Variants in RARB observed in about 807,000 individuals in gnomAD.
RARB encodes HBV-activated protein.
In RARB, 17 loss-of-function variants were observed where a neutral mutation model predicts 51.9. The ratio of observed to expected loss-of-function variants is 0.33; its 90% CI spans 0.22 to 0.49. RARB has a LOEUF of 0.49. RARB is among the 20% of genes least tolerant of loss of function. RARB has a pLI of 0.99. For missense variants in RARB, 369 were observed against 550.8 expected (o/e 0.67, Z 3.30); for synonymous variants, 215 against 195.4 (o/e 1.10, Z -0.84).
chr3:25,231,974 G>T (rs1372633773), intron 5 of RARB, among the ~76,000 whole-genome samples: 1 of 151,486 alleles, frequency 6.6e-6, no homozygotes, highest in Non-Finnish European at 1.5e-5. Context: ...GCCCAACAAA[G>T]GTCACAAAGT....
chr3:25,176,585 G>A (rs570194111), intron 5 of RARB, among the ~76,000 whole-genome samples: 4 of 151,240 alleles, frequency 2.6e-5, no homozygotes, highest in South Asian at 2.1e-4. Context: ...TAGTAGAGAC[G>A]TGGATTCACC....
intron 3 of RARB, among the ~76,000 whole-genome samples, chr3:25,081,729 TTC>T (rs1699007906): frequency 7.1e-6 from 1 of 140,162 alleles, no homozygotes; most frequent in Non-Finnish European, 1.5e-5. Flanking sequence ...ACCTTCCGAG[TTC>T]AAGTGATTCT....
chr3:25,154,525 T>G (rs1264610158), intron 4 of RARB, among the ~76,000 whole-genome samples: 3 of 152,216 alleles, frequency 2.0e-5, no homozygotes, highest in Non-Finnish European at 2.9e-5. Flanking sequence ...CTCAAAGCTT[T>G]GCTACCAATC....
intron 4 of RARB, among the ~76,000 whole-genome samples, chr3:25,157,080 A>G (rs1700386567): frequency 1.3e-5 from 2 of 152,218 alleles, no homozygotes; most frequent in African/African-American, 2.4e-5. Flanking sequence ...AAAAGGATGT[A>G]TGTATGTGTA....
chr3:24,943,629 T>G (rs1695715613), intron 2 of RARB, among the ~76,000 whole-genome samples: 1 of 152,248 alleles, frequency 6.6e-6, no homozygotes, highest in Non-Finnish European at 1.5e-5. Context: ...TTAACAGGTC[T>G]GTAAGCCTCT....
At position 25,447,092 on chromosome 3, in the gene RARB, T is replaced by C. The variant is rs531575802; in HGVS notation, c.158-14101T>C. Reference sequence around the variant, plus strand: ...TTAGGAGGCAGCAAATGGGGTAATGTGTGTGAAAACACCCCTCAAGTTGTC... The same window carrying C: ...TTAGGAGGCAGCAAATGGGGTAATGCGTGTGAAAACACCCCTCAAGTTGTC... On this transcript the variant is annotated intron_variant, in intron 1 of 7. Transcript: ENST00000330688. Among the ~76,000 whole-genome samples the C allele has an allele frequency of 1.6e-4, 24 of 152,318 alleles. 1 individual carries two copies. Among genetic ancestry groups the C allele is most frequent in the African/African-American group, 5.5e-4 (23 of 41,578 alleles).
intron 5 of RARB, among the ~76,000 whole-genome samples, chr3:25,310,842 C>T (rs545370292): frequency 2.5e-4 from 38 of 152,280 alleles, no homozygotes; most frequent in African/African-American, 9.1e-4. Flanking sequence ...TGTTTTTACT[C>T]TGAAGCACTT....
chr3:25,490,939 G>A (rs968323592), intron 2 of RARB, among the ~76,000 whole-genome samples: 5 of 152,050 alleles, frequency 3.3e-5, no homozygotes, highest in East Asian at 1.9e-4. Flanking sequence ...TAGAGGCTTC[G>A]TTTCCCCTTG....
intron 2 of RARB, among the ~76,000 whole-genome samples, chr3:24,896,020 G>A (rs1016460159): frequency 6.6e-6 from 1 of 152,170 alleles, no homozygotes; most frequent in Non-Finnish European, 1.5e-5. Context: ...GTGGCATATT[G>A]TTTGGCCTTA....
intron 5 of RARB, among the ~76,000 whole-genome samples, chr3:25,323,059 C>A (rs1289199607): frequency 6.6e-6 from 1 of 152,166 alleles, no homozygotes; most frequent in Admixed American, 6.5e-5. Flanking sequence ...ATGTTTGGGG[C>A]CCTGGTCCTA....
chr3:25,409,397 G>T (rs1447104586), intron 5 of RARB, among the ~76,000 whole-genome samples: 1 of 151,954 alleles, frequency 6.6e-6, no homozygotes, highest in Non-Finnish European at 1.5e-5. Context: ...ACATTTTCCT[G>T]GTTGATAGTC....
intron 2 of RARB, among the ~76,000 whole-genome samples, chr3:25,488,509 A>G (rs894917865): frequency 6.7e-6 from 1 of 149,890 alleles, no homozygotes; most frequent in Admixed American, 6.6e-5. Flanking sequence ...TGAGGAAAGC[A>G]AAATTAGGCT....
chr3:25,022,886 G>A (rs201774520), intron 2 of RARB, among the ~76,000 whole-genome samples: 1 of 152,196 alleles, frequency 6.6e-6, no homozygotes, highest in East Asian at 1.9e-4. Context: ...AGATATGTCA[G>A]GAGTGGCCTG....
intron 2 of RARB, among the ~76,000 whole-genome samples, chr3:24,872,081 A>G (rs1206689315): frequency 6.6e-6 from 1 of 152,142 alleles, no homozygotes; most frequent in Non-Finnish European, 1.5e-5. Context: ...GACACTTCTT[A>G]AAGTCCTCGA....
intron 5 of RARB, among the ~76,000 whole-genome samples, chr3:25,282,068 G>C (rs1216056043): frequency 1.3e-5 from 2 of 152,176 alleles, no homozygotes; most frequent in Non-Finnish European, 2.9e-5. Flanking sequence ...ATTATGCAAA[G>C]GCAATATATC....
chr3:25,590,401 G>A (rs1701570429), intron 5 of RARB, among the ~76,000 whole-genome samples: 1 of 152,172 alleles, frequency 6.6e-6, no homozygotes, highest in African/African-American at 2.4e-5. Flanking sequence ...CAGATCTCAT[G>A]CATTCATTTC....
rs1018438651 is a variant in RARB at position 25,475,401 on chromosome 3, A to C, written c.306+14060A>C. Among the ~76,000 whole-genome samples, 9 of 151,304 alleles carry C rather than the reference A, an allele frequency of 5.9e-5. No homozygotes were observed. The East Asian group carries it at 1.8e-3, about 30-fold the overall frequency. On this transcript the variant is annotated intron_variant, in intron 2 of 7. Transcript: ENST00000330688. ...GGATAAGCTATTATCCAAATAACAA[A>C]GGGGGGGGGATCCCCTGCAAAAAAT...
chr3:24,914,963 G>T (rs1270655937), intron 2 of RARB, among the ~76,000 whole-genome samples: 1 of 152,180 alleles, frequency 6.6e-6, no homozygotes, highest in Non-Finnish European at 1.5e-5. Context: ...CCTTGACTTT[G>T]CAGGATGGAC....
intron 5 of RARB, among the ~76,000 whole-genome samples, chr3:25,270,854 G>A (rs1030239370): frequency 2.0e-5 from 3 of 152,050 alleles, no homozygotes; most frequent in African/African-American, 4.8e-5. Flanking sequence ...AAAGCAATGG[G>A]CATTACAAGC....
Sources: gnomAD v4.1 joint callset for allele counts (sites outside exome capture counted in the v4.1 genomes callset) on GRCh38, gnomAD v4.1.1 for gene constraint, MANE v1.5 for transcripts, NCBI Gene and HGNC (gene_info 2026-07-23, HGNC 2026-07-21) for gene names.